Variants in STXBP5L observed in about 807,000 individuals in gnomAD.
STXBP5L encodes the protein syntaxin-binding protein 5-like.
In STXBP5L, 65 loss-of-function variants were observed where a neutral mutation model predicts 144.5. That is an observed-to-expected ratio of 0.45 (90% CI 0.37 to 0.55). The LOEUF (loss-of-function observed/expected upper bound fraction) is 0.55. STXBP5L is among the 20% of genes least tolerant of loss of function. The probability of loss-of-function intolerance (pLI) is 0.00; values close to 1 mark genes in which losing one functional copy is unlikely to be tolerated. For synonymous variants in STXBP5L, 505 were observed against 469.6 expected, an observed-to-expected ratio of 1.08 and a Z score of -0.97; for missense variants, 1,298 against 1,405.5, an observed-to-expected ratio of 0.92 and a Z score of 1.22.
intron 9 of STXBP5L, among the ~76,000 whole-genome samples, chr3:121,176,809 TA>T (rs1202459303): frequency 6.6e-6 from 1 of 151,240 alleles, no homozygotes; most frequent in South Asian, 2.1e-4. Context: ...GGAGTTTTTT[TA>T]AAAAAAAGCA....
intron 3 of STXBP5L, among the ~76,000 whole-genome samples, chr3:120,971,544 T>C (rs1313148145): frequency 6.6e-6 from 1 of 151,890 alleles, no homozygotes; most frequent in Non-Finnish European, 1.5e-5. Context: ...TTTCACATCT[T>C]AGGATAGTGG....
chr3:120,979,981 A>C (rs896457295), intron 3 of STXBP5L, among the ~76,000 whole-genome samples: 1 of 152,216 alleles, frequency 6.6e-6, no homozygotes, highest in African/African-American at 2.4e-5. Context: ...TTATTGATGC[A>C]ACAATCTTTC....
chr3:121,381,432 G>T lies in STXBP5L; in HGVS notation c.2487G>T (p.Leu829=). ...RKNDSTISPC[L]FVGTSLGMVL... ...ATGACTCTACCATCTCTCCTTGTCT[G>T]TTCGTTGGAACCAGTCTGGGAATGG... Residue 829 remains leucine, a synonymous_variant, in exon 22 of 27, where the codon CTG becomes CTT. Transcript: ENST00000471454. 6.2e-7 allele frequency: 1 copy of T among 1,606,604 alleles called. No individual in the cohort carries two copies. Among genetic ancestry groups the T allele is most frequent in the Admixed American group, 1.7e-5 (1 of 57,682 alleles).
chr3:120,960,417 C>T (rs1050422510), intron 3 of STXBP5L, among the ~76,000 whole-genome samples: 10 of 152,192 alleles, frequency 6.6e-5, no homozygotes, highest in East Asian at 1.9e-4. Context: ...GGGTATATAC[C>T]GAAAGGAGTA....
chr3:120,916,404 G>A (rs1709103218), intron 2 of STXBP5L, among the ~76,000 whole-genome samples: 1 of 151,942 alleles, frequency 6.6e-6, no homozygotes, highest in Non-Finnish European at 1.5e-5. Flanking sequence ...GGGTTCAAGC[G>A]ATTCTCCTGC....
chr3:121,357,935 A>G (rs995925658), intron 20 of STXBP5L: 2 of 152,230 alleles, frequency 1.3e-5, no homozygotes, highest in Non-Finnish European at 2.9e-5. Flanking sequence ...TGGAAAAGCA[A>G]TATTTTAAAA....
chr3:121,422,609 T>A lies in STXBP5L; in HGVS notation c.*3512T>A, dbSNP rs1160668900. The A allele has an allele frequency of 2.0e-5, 3 of 152,156 alleles. No individual in the cohort carries two copies. The highest frequency in any genetic ancestry group is 7.2e-5 in the African/African-American group (3 of 41,446). The allele number at this position is 152,156 out of a possible 1,614,324, so 9.4% of individuals were successfully genotyped here. A position where few individuals can be genotyped will look rare whatever the true frequency, so the allele number is the denominator to read the frequency against. ...TACTACTGACTTTGCTTCTTACACT[T>A]CACTGAGCCCCAGACTTTAGGGCCC... On this transcript the variant is annotated 3_prime_UTR_variant, in exon 27 of 27. Transcript: ENST00000471454.
intron 3 of STXBP5L, among the ~76,000 whole-genome samples, chr3:121,030,387 G>A (rs1946280959): frequency 6.6e-6 from 1 of 152,138 alleles, no homozygotes; most frequent in East Asian, 1.9e-4. Flanking sequence ...CAGGGACATG[G>A]ATGAAGCTGG....
intron 3 of STXBP5L, among the ~76,000 whole-genome samples, chr3:120,995,588 G>C (rs941497496): frequency 6.6e-6 from 1 of 151,140 alleles, no homozygotes; most frequent in Non-Finnish European, 1.5e-5. Flanking sequence ...GATTTCTCTC[G>C]GTAGTACAAT....
intron 19 of STXBP5L, among the ~76,000 whole-genome samples, chr3:121,287,022 C>G (rs1315092505): frequency 1.3e-5 from 2 of 152,136 alleles, no homozygotes; most frequent in Non-Finnish European, 2.9e-5. Context: ...TTTCAGAGAT[C>G]TACAGTGTTT....
chr3:121,333,922 C>T (rs1339540368), intron 20 of STXBP5L, among the ~76,000 whole-genome samples: 1 of 152,120 alleles, frequency 6.6e-6, no homozygotes, highest in Non-Finnish European at 1.5e-5. Context: ...CCACCCAGAT[C>T]TCATCTTGAA....
chr3:121,077,542 G>A (rs948674519), intron 5 of STXBP5L, among the ~76,000 whole-genome samples: 2 of 152,120 alleles, frequency 1.3e-5, no homozygotes, highest in Non-Finnish European at 2.9e-5. Context: ...TTATTGCAAA[G>A]AGCCAAAGAA....
At chr3:121,106,742 C>A (rs895233942) in intron 5 of STXBP5L, among the ~76,000 whole-genome samples, 5 of 152,074 alleles carry the variant, frequency 3.3e-5, no homozygotes, top group African/African-American at 1.2e-4. Flanking sequence ...GATTTATATT[C>A]CTCTGGGTAT....
chr3:121,079,802 G>T (rs2042175860), intron 5 of STXBP5L, among the ~76,000 whole-genome samples: 1 of 152,196 alleles, frequency 6.6e-6, no homozygotes, highest in South Asian at 2.1e-4. Context: ...TTATGCAGTT[G>T]TTGGGAAGAA....
At chr3:121,138,621 T>C (rs2045363158) in intron 7 of STXBP5L, among the ~76,000 whole-genome samples, 1 of 152,142 alleles carries the variant, frequency 6.6e-6, no homozygotes, top group Non-Finnish European at 1.5e-5. Flanking sequence ...TACAGCCAAT[T>C]GATTTTTGAC....
At chr3:121,067,287 T>A (rs1296920344) in intron 5 of STXBP5L, among the ~76,000 whole-genome samples, 1 of 152,132 alleles carries the variant, frequency 6.6e-6, no homozygotes, top group Non-Finnish European at 1.5e-5. Context: ...GGGCCATAAT[T>A]TTTCCCTGAA....
intron 5 of STXBP5L, among the ~76,000 whole-genome samples, chr3:121,103,452 A>C (rs4282008): frequency 0.51 from 77,601 of 151,848 alleles, 20,277 homozygotes; most frequent in Admixed American, 0.6. Context: ...AAACCAAACA[A>C]CACATGTTCT....
chr3:121,215,643 T>G (rs9863505), intron 10 of STXBP5L, among the ~76,000 whole-genome samples: 15,106 of 152,214 alleles, frequency 0.099, 1,182 homozygotes, highest in Admixed American at 0.2. Context: ...CATTTTTTCC[T>G]TCATCTCAAC....
chr3:121,073,520 G>T (rs1272279073), intron 5 of STXBP5L, among the ~76,000 whole-genome samples: 3 of 152,190 alleles, frequency 2.0e-5, no homozygotes, highest in Admixed American at 2.0e-4. Flanking sequence ...GGAGAAATAT[G>T]CCGTGGGCCA....
Sources: gnomAD v4.1 joint callset for allele counts (sites outside exome capture counted in the v4.1 genomes callset) on GRCh38, gnomAD v4.1.1 for gene constraint, MANE v1.5 for transcripts, NCBI Gene and HGNC (gene_info 2026-07-23, HGNC 2026-07-21) for gene names.